AP1S3: variants seen among roughly 807,000 people sequenced by gnomAD.
AP1S3 encodes the protein AP-1 complex subunit sigma-3.
A neutral mutation model predicts 20.9 loss-of-function variants in AP1S3; 10 were observed. That is an observed-to-expected ratio of 0.48 (90% CI 0.29 to 0.81). AP1S3 has a LOEUF of 0.81. Among genes scored for constraint, AP1S3 ranks in the 30% least tolerant of loss-of-function variants. The pLI, the probability that AP1S3 is intolerant of heterozygous loss-of-function variation, is 0.08. For missense variants in AP1S3, 154 were observed against 183.8 expected, an observed-to-expected ratio of 0.84 and a Z score of 0.94; for synonymous variants, 41 against 61.5, an observed-to-expected ratio of 0.67 and a Z score of 1.56.
chr2:223,805,528 C>T (rs557435813), intron 1 of AP1S3, among the ~76,000 whole-genome samples: 2 of 152,332 alleles, frequency 1.3e-5, no homozygotes, highest in South Asian at 2.1e-4. Context: ...CAATGCTACA[C>T]TTCTGATGTC....
chr2:223,809,643 CAAAACA>C (rs774448210), intron 1 of AP1S3, among the ~76,000 whole-genome samples: 10 of 151,346 alleles, frequency 6.6e-5, no homozygotes, highest in Non-Finnish European at 1.2e-4. Flanking sequence ...GACTCCGTTT[CAAAACA>C]AAAACAAAAA....
intron 1 of AP1S3, among the ~76,000 whole-genome samples, chr2:223,832,682 A>G (rs1194438283): frequency 6.6e-6 from 1 of 152,208 alleles, no homozygotes; most frequent in Non-Finnish European, 1.5e-5. Flanking sequence ...GCTTCAGAAC[A>G]TAAAATTGAT....
At chr2:223,779,245 T>C (rs1427162809) in intron 1 of AP1S3, among the ~76,000 whole-genome samples, 2 of 152,168 alleles carry the variant, frequency 1.3e-5, no homozygotes, top group Non-Finnish European at 2.9e-5. Context: ...GGAAATTTAC[T>C]TGAAAACCTT....
chr2:223,756,338 G>GAAAGA lies in AP1S3; in HGVS notation c.*2372_*2376dup, dbSNP rs397940810. The GAAAGA allele has an allele frequency of 0.012, 3,257 of 261,644 alleles. 114 individuals carry two copies. The highest frequency in any genetic ancestry group is 0.076 in the African/African-American group (3,010 of 39,806). 16.2% of individuals were successfully genotyped at this position (261,644 alleles called of 1,614,324 possible). ...GGTGACAAGAAGCGAGGAAAGAAAA[G>GAAAGA]AAAGAAAAGAAAAGAAAAGAGAAAA... On this transcript the variant is annotated 3_prime_UTR_variant, in exon 5 of 5. Coordinates refer to ENST00000396654, the MANE Select transcript of AP1S3 (RefSeq NM_001039569.2).
chr2:223,776,203 T>C, intron 2 of AP1S3, 194 bp from the exon 3 acceptor site: 1 of 680,790 alleles, frequency 1.5e-6, no homozygotes, highest in Non-Finnish European at 2.8e-6. Flanking sequence ...GGGGGTTGGA[T>C]TACTTCCATT....
chr2:223,769,214 C>G (rs143006485), intron 3 of AP1S3, among the ~76,000 whole-genome samples: 1 of 152,188 alleles, frequency 6.6e-6, no homozygotes, highest in African/African-American at 2.4e-5. Flanking sequence ...GTATTGTATA[C>G]TAATTTGAGT....
intron 3 of AP1S3, among the ~76,000 whole-genome samples, chr2:223,769,736 ATTTTTTTTTTTT>A (rs61207667): frequency 8.7e-5 from 7 of 80,146 alleles, no homozygotes; most frequent in Non-Finnish European, 1.6e-4. Context: ...ATGCAATCCC[ATTTTTTTTTTTT>A]TTTTTTTTTT....
chr2:223,803,288 A>G (rs1163480149), intron 1 of AP1S3, among the ~76,000 whole-genome samples: 1 of 152,250 alleles, frequency 6.6e-6, no homozygotes, highest in Non-Finnish European at 1.5e-5. Flanking sequence ...AAATACAGCC[A>G]ATTAATTTTT....
chr2:223,823,932 A>G (rs1318802670), intron 1 of AP1S3, among the ~76,000 whole-genome samples: 12 of 152,218 alleles, frequency 7.9e-5, no homozygotes, highest in Admixed American at 6.5e-4. Context: ...AGCACACATT[A>G]AAGTGGCAGA....
intron 1 of AP1S3, among the ~76,000 whole-genome samples, chr2:223,820,606 C>T (rs1209700137): frequency 6.7e-6 from 1 of 148,608 alleles, no homozygotes; most frequent in African/African-American, 2.5e-5. Flanking sequence ...CAAGCAGCAC[C>T]TATTACTTTA....
At chr2:223,797,624 T>C (rs1691372472) in intron 1 of AP1S3, among the ~76,000 whole-genome samples, 1 of 151,774 alleles carries the variant, frequency 6.6e-6, no homozygotes, top group African/African-American at 2.4e-5. Context: ...TAGCCGGCCA[T>C]GGTTATAGGC....
chr2:223,824,375 A>C (rs956873014), intron 1 of AP1S3, among the ~76,000 whole-genome samples: 1 of 152,184 alleles, frequency 6.6e-6, no homozygotes, highest in Non-Finnish European at 1.5e-5. Context: ...GAGACAAAAG[A>C]CATACACAGA....
At chr2:223,829,607 G>A (rs1692211851) in intron 1 of AP1S3, among the ~76,000 whole-genome samples, 2 of 152,116 alleles carry the variant, frequency 1.3e-5, no homozygotes, top group Admixed American at 6.6e-5. Context: ...GGAAGCAGAG[G>A]TTGTGATAAG....
chr2:223,810,807 G>C (rs972505749), intron 1 of AP1S3, among the ~76,000 whole-genome samples: 1 of 151,980 alleles, frequency 6.6e-6, no homozygotes, highest in Non-Finnish European at 1.5e-5. Context: ...TCCTAATAAA[G>C]TAGGTAGTTA....
chr2:223,797,720 C>T (rs1299091159), intron 1 of AP1S3, among the ~76,000 whole-genome samples: 1 of 152,028 alleles, frequency 6.6e-6, no homozygotes, highest in African/African-American at 2.4e-5. Context: ...GAGCTGAGAT[C>T]GTACCTCTTC....
intron 1 of AP1S3, among the ~76,000 whole-genome samples, chr2:223,810,276 A>G (rs1355347070): frequency 6.6e-6 from 1 of 152,032 alleles, no homozygotes; most frequent in African/African-American, 2.4e-5. Flanking sequence ...AAATAAAAAG[A>G]CACCTGATCC....
rs762672880 is a variant in AP1S3 at position 223,756,659 on chromosome 2, T to C, written c.*2056A>G. ...GTAAAAGCCTAATGATTATTTTATA[T>C]GCTAATCTGAGTTATTTCCTTTGAA... On this transcript the variant is annotated 3_prime_UTR_variant, in exon 5 of 5. Coordinates refer to ENST00000396654, the MANE Select transcript of AP1S3 (RefSeq NM_001039569.2). The C allele has an allele frequency of 5.2e-4, 517 of 985,360 alleles. 1 individual carries two copies. The highest frequency in any genetic ancestry group is 7.5e-4 in the South Asian group (16 of 21,284). The allele number at this position is 985,360 out of a possible 1,614,324, so 61.0% of individuals were successfully genotyped here.
intron 4 of AP1S3, among the ~76,000 whole-genome samples, chr2:223,761,069 G>A (rs529864353): frequency 2.6e-5 from 4 of 152,222 alleles, no homozygotes; most frequent in East Asian, 1.9e-4. Context: ...GCCGAGCCAG[G>A]CTGGTTACTC....
At chr2:223,811,885 A>C (rs1268815700) in intron 1 of AP1S3, among the ~76,000 whole-genome samples, 1 of 152,254 alleles carries the variant, frequency 6.6e-6, no homozygotes, top group East Asian at 1.9e-4. Flanking sequence ...GCACAGTGGC[A>C]TAAACTGTGG....
Sources: allele counts gnomAD v4.1 joint callset (sites outside exome capture counted in the v4.1 genomes callset), GRCh38; gene constraint gnomAD v4.1.1; transcripts MANE v1.5; gene names NCBI Gene and HGNC (gene_info 2026-07-23, HGNC 2026-07-21).